Variants in NUDCD1 observed in about 807,000 individuals in gnomAD.
NUDCD1 encodes nudC domain-containing protein 1.
A neutral mutation model predicts 67.8 loss-of-function variants in NUDCD1; 60 were observed. The ratio of observed to expected loss-of-function variants is 0.88; its 90% CI spans 0.72 to 1.10. NUDCD1 has a LOEUF of 1.10. Among genes scored for constraint, NUDCD1 ranks in the 50% least tolerant of loss-of-function variants. The probability of loss-of-function intolerance (pLI) is 0.00; values close to 1 mark genes in which losing one functional copy is unlikely to be tolerated. For synonymous variants in NUDCD1, 244 were observed against 230.8 expected (o/e 1.06, Z -0.52); for missense variants, 643 against 695.0 (o/e 0.93, Z 0.84).
At chr8:109,316,251 A>G (rs1179775488) in intron 2 of NUDCD1, 1 of 152,222 alleles carries the variant, frequency 6.6e-6, no homozygotes, top group Non-Finnish European at 1.5e-5. Context: ...TCCGAGGGAC[A>G]TTTCCCTAAA....
At chr8:109,278,882 T>C (rs981243693) in intron 6 of NUDCD1, among the ~76,000 whole-genome samples, 4 of 152,148 alleles carry the variant, frequency 2.6e-5, no homozygotes, top group African/African-American at 9.7e-5. Flanking sequence ...GTTTTGTTTT[T>C]TAACATATAT....
chr8:109,286,073 T>A (rs962379979), intron 5 of NUDCD1, among the ~76,000 whole-genome samples: 2 of 151,534 alleles, frequency 1.3e-5, no homozygotes, highest in South Asian at 2.1e-4. Flanking sequence ...ATAATAATAA[T>A]AAAATACCTA....
intron 8 of NUDCD1, among the ~76,000 whole-genome samples, chr8:109,265,183 A>C (rs1251360065): frequency 1.3e-5 from 2 of 152,054 alleles, no homozygotes; most frequent in African/African-American, 2.4e-5. Context: ...ATTGTTAGTA[A>C]TTAAACAATT....
At chr8:109,326,493 G>C (rs1016478717) in intron 1 of NUDCD1, among the ~76,000 whole-genome samples, 1 of 152,194 alleles carries the variant, frequency 6.6e-6, no homozygotes, top group African/African-American at 2.4e-5. Context: ...AAAAGAAGTA[G>C]GGGGCAGCGA....
At chr8:109,292,613 G>C (rs1291265396) in intron 4 of NUDCD1, among the ~76,000 whole-genome samples, 1 of 152,016 alleles carries the variant, frequency 6.6e-6, no homozygotes, top group Non-Finnish European at 1.5e-5. Context: ...CTGAGAAAAA[G>C]AGCATAGAGT....
At chr8:109,328,378 T>A (rs140264134) in intron 1 of NUDCD1, among the ~76,000 whole-genome samples, 3 of 152,130 alleles carry the variant, frequency 2.0e-5, no homozygotes, top group African/African-American at 7.2e-5. Context: ...CCTCCTTGAG[T>A]TGAAGAAACT....
intron 5 of NUDCD1, among the ~76,000 whole-genome samples, chr8:109,286,911 CAAAT>C (rs1201523130): frequency 6.6e-6 from 1 of 152,024 alleles, no homozygotes; most frequent in Non-Finnish European, 1.5e-5. Flanking sequence ...GGAACTTAAA[CAAAT>C]GAACAAGCAC....
At chr8:109,298,916 A>G (rs1814910506) in intron 2 of NUDCD1, 1 of 152,226 alleles carries the variant, frequency 6.6e-6, no homozygotes, top group African/African-American at 2.4e-5. Flanking sequence ...GACCCGGGAG[A>G]CACCCCAAAT....
chr8:109,269,538 T>A (rs1814090648), intron 8 of NUDCD1, among the ~76,000 whole-genome samples: 1 of 152,162 alleles, frequency 6.6e-6, no homozygotes, highest in African/African-American at 2.4e-5. Flanking sequence ...TAAGCCAGCT[T>A]CCCATGACAC....
chr8:109,261,465 A>G (rs1813862448), intron 8 of NUDCD1, among the ~76,000 whole-genome samples: 1 of 152,192 alleles, frequency 6.6e-6, no homozygotes, highest in South Asian at 2.1e-4. Flanking sequence ...AAAAAGTCAC[A>G]AAAGAATACT....
intron 8 of NUDCD1, among the ~76,000 whole-genome samples, chr8:109,266,486 C>T (rs4734209): frequency 0.3 from 44,600 of 149,482 alleles, 7,196 homozygotes; most frequent in East Asian, 0.47. Context: ...CCTCGTGATC[C>T]GCCCACCTCG....
intron 8 of NUDCD1, among the ~76,000 whole-genome samples, chr8:109,252,067 T>G (rs1813634379): frequency 6.6e-6 from 1 of 152,200 alleles, no homozygotes; most frequent in South Asian, 2.1e-4. Flanking sequence ...GCTTTAGGCC[T>G]TCACTGTGCA....
chr8:109,244,346 TA>T (rs1484214242), intron 9 of NUDCD1, among the ~76,000 whole-genome samples: 1 of 152,016 alleles, frequency 6.6e-6, no homozygotes, highest in Non-Finnish European at 1.5e-5. Flanking sequence ...TCCCCTATAA[TA>T]GGGGATTTGG....
intron 7 of NUDCD1, among the ~76,000 whole-genome samples, chr8:109,273,629 T>C (rs116699754): frequency 0.012 from 1,882 of 152,220 alleles, 37 homozygotes; most frequent in African/African-American, 0.042. Context: ...ATTAGACCTA[T>C]ATCTGTTAAA....
intron 2 of NUDCD1, among the ~76,000 whole-genome samples, chr8:109,312,789 G>A (rs1328209592): frequency 6.6e-6 from 1 of 152,168 alleles, no homozygotes; most frequent in Non-Finnish European, 1.5e-5. Context: ...TGTTGAACAG[G>A]AATAGTTTCA....
intron 7 of NUDCD1, 53 bp from the exon 8 acceptor site, chr8:109,271,183 T>C (rs113321681): frequency 0.011 from 13,459 of 1,275,934 alleles, 66 homozygotes; most frequent in Non-Finnish European, 0.012. Context: ...AACAAGGGAA[T>C]GGGTTTCTTC....
chr8:109,322,673 C>T (rs1815570234), intron 1 of NUDCD1, among the ~76,000 whole-genome samples: 2 of 152,066 alleles, frequency 1.3e-5, no homozygotes, highest in Admixed American at 6.6e-5. Context: ...GTCCCACGTC[C>T]TTACAAGACT....
At chr8:109,260,304 C>T (rs1407332187) in intron 8 of NUDCD1, among the ~76,000 whole-genome samples, 5 of 152,186 alleles carry the variant, frequency 3.3e-5, no homozygotes, top group Admixed American at 6.5e-5. Flanking sequence ...AAGAGATCTT[C>T]GGGCCTCAGG....
intron 1 of NUDCD1, among the ~76,000 whole-genome samples, chr8:109,327,871 C>T (rs1008881187): frequency 2.6e-5 from 4 of 152,310 alleles, no homozygotes; most frequent in African/African-American, 9.6e-5. Flanking sequence ...TCTCCCCTAC[C>T]TTGTTCTTCT....
Sources: allele counts gnomAD v4.1 joint callset (sites outside exome capture counted in the v4.1 genomes callset), GRCh38; gene constraint gnomAD v4.1.1; transcripts MANE v1.5; gene names NCBI Gene and HGNC (gene_info 2026-07-23, HGNC 2026-07-21).